The following DUSP22 variants were observed in gnomAD, a reference collection of about 807,000 sequenced individuals.
DUSP22 encodes dual specificity protein phosphatase 22.
A neutral mutation model predicts 24.5 loss-of-function variants in DUSP22; 24 were observed. The ratio of observed to expected loss-of-function variants is 0.98; its 90% confidence interval spans 0.71 to 1.38. The LOEUF (loss-of-function observed/expected upper bound fraction) is 1.38, where lower values mean the gene tolerates loss of function less well. Ranked by LOEUF, DUSP22 falls within the 40% of genes most tolerant of loss-of-function variation. The probability of loss-of-function intolerance (pLI) is 0.00; values close to 1 mark genes in which losing one functional copy is unlikely to be tolerated. For synonymous variants in DUSP22, 160 were observed against 106.4 expected (o/e 1.50, Z -3.10); for missense variants, 330 against 269.2 (o/e 1.23, Z -1.58).
rs1447956782 is a variant in DUSP22, at chr6:350,200, G to A, written c.*1249G>A. On this transcript the variant is annotated 3_prime_UTR_variant, in exon 7 of 7. Transcript: ENST00000419235. ...TTTTGAAACCAAAGGGGAAGGTACCGATATCATTGAGCTATTTAAAGTTGC... is the reference window on the plus strand; with the variant it reads ...TTTTGAAACCAAAGGGGAAGGTACCAATATCATTGAGCTATTTAAAGTTGC... 1.4e-5 allele frequency: 14 copies of A among 986,764 alleles called. No homozygotes were observed. The highest frequency in any genetic ancestry group is 5.2e-4 in the Middle Eastern group (1 of 1,938). 61.1% of individuals were successfully genotyped at this position (986,764 alleles called of 1,614,324 possible).
intron 3 of DUSP22, among the ~76,000 whole-genome samples, chr6:318,573 C>T (rs900043234): frequency 1.3e-5 from 2 of 152,050 alleles, no homozygotes; most frequent in Non-Finnish European, 2.9e-5. Context: ...GCTCTCAGGA[C>T]CCCAGGGCCT....
intron 3 of DUSP22, among the ~76,000 whole-genome samples, chr6:330,484 GA>G (rs560192881): frequency 9.5e-4 from 144 of 152,358 alleles, no homozygotes; most frequent in South Asian, 1.9e-3. Context: ...AATCATGCTT[GA>G]AACAAGCGAG....
At chr6:343,083 C>T (rs541738098) in intron 4 of DUSP22, among the ~76,000 whole-genome samples, 2 of 151,450 alleles carry the variant, frequency 1.3e-5, no homozygotes, top group South Asian at 2.1e-4. Flanking sequence ...TGGGTGTCTG[C>T]TCTGGAGTGT....
chr6:322,429 G>A (rs1033535677), intron 3 of DUSP22, among the ~76,000 whole-genome samples: 1 of 152,296 alleles, frequency 6.6e-6, no homozygotes, highest in African/African-American at 2.4e-5. Context: ...AGGGTACTCT[G>A]GCCCCAGTGT....
chr6:322,445 T>C (rs1013638739), intron 3 of DUSP22, among the ~76,000 whole-genome samples: 2 of 152,240 alleles, frequency 1.3e-5, no homozygotes, highest in African/African-American at 4.8e-5. Context: ...AGTGTAGAGC[T>C]TGAGTTTTGC....
At chr6:313,752 C>T (rs965222748) in intron 3 of DUSP22, among the ~76,000 whole-genome samples, 1 of 152,296 alleles carries the variant, frequency 6.6e-6, no homozygotes, top group Non-Finnish European at 1.5e-5. Flanking sequence ...TTAGTATTGC[C>T]CCTCTTAGCA....
chr6:345,711 AG>A (rs1318442157), intron 4 of DUSP22, 142 bp from the exon 5 acceptor site: 1 of 967,120 alleles, frequency 1.0e-6, no homozygotes, highest in African/African-American at 1.6e-5. Flanking sequence ...GTCACACTGT[AG>A]CCCATAAATA....
At chr6:318,375 T>C (rs1419966499) in intron 3 of DUSP22, among the ~76,000 whole-genome samples, 1 of 152,306 alleles carries the variant, frequency 6.6e-6, no homozygotes, top group African/African-American at 2.4e-5. Context: ...TAGGAAAAGC[T>C]AAGAGGACAT....
At chr6:341,270 A>G (rs889308766) in intron 4 of DUSP22, among the ~76,000 whole-genome samples, 5 of 152,300 alleles carry the variant, frequency 3.3e-5, no homozygotes, top group Non-Finnish European at 7.3e-5. Flanking sequence ...CGTAAAGGTG[A>G]ACTGCCGATG....
chr6:314,138 G>C (rs567307587), intron 3 of DUSP22, among the ~76,000 whole-genome samples: 1 of 152,304 alleles, frequency 6.6e-6, no homozygotes, highest in Non-Finnish European at 1.5e-5. Flanking sequence ...GAAGGTGAGC[G>C]GGGAGACTGT....
chr6:344,009 G>A (rs996039704), intron 4 of DUSP22, among the ~76,000 whole-genome samples: 4 of 152,302 alleles, frequency 2.6e-5, no homozygotes, highest in Admixed American at 6.5e-5. Context: ...AGGTACATGT[G>A]CTATCCATCC....
In DUSP22 at chr6:348,924, C is replaced by A; in HGVS notation, c.591C>A (p.Thr197=). ...WSSFPALAPL[T]YDNYTTET is the part of the protein sequence containing the mutation. ...GTTTTCCGGCACTGGCTCCGCTGAC[C>A]TACGATAATTATACGACGGAGACCT... Residue 197 remains threonine (T), a synonymous_variant, in exon 7 of 7, where the codon ACC becomes ACA. Coordinates refer to ENST00000419235, the MANE Select transcript of DUSP22 (RefSeq NM_001286555.3). 6.2e-7 allele frequency: 1 copy of A among 1,610,884 alleles called. No homozygotes were observed. The highest frequency in any genetic ancestry group is 8.5e-7 in the Non-Finnish European group (1 of 1,178,236).
chr6:348,291 G>T lies in DUSP22; in HGVS notation c.435+17G>T, dbSNP rs747134523. Reference sequence around the variant, plus strand: ...GTCCATCAGGTAAGCAGTTCTTAGGGGACATCAGAGATGCAGGCAGGTGCC... The same window carrying T: ...GTCCATCAGGTAAGCAGTTCTTAGGTGACATCAGAGATGCAGGCAGGTGCC... On this transcript the variant is annotated intron_variant, in intron 6 of 6. Transcript: ENST00000419235. The T allele has an allele frequency of 1.9e-6, 3 of 1,613,906 alleles. No homozygotes were observed. Among genetic ancestry groups the T allele is most frequent in the South Asian group, 2.2e-5 (2 of 91,064 alleles).
In DUSP22 at chr6:348,005, T is replaced by A. The variant is rs1384441147; in HGVS notation, c.264-98T>A. The stretch of plus-strand genomic sequence containing the variant: ...TATAATCCAAGGCAGGAAGACTTTC[T>A]GAACAAGGTCCTTAGAGTCCCCCGC... On this transcript the variant is annotated intron_variant, in intron 5 of 6. Coordinates refer to ENST00000419235, the MANE Select transcript of DUSP22 (RefSeq NM_001286555.3). 17 of 1,535,506 alleles carry A rather than the reference T, an allele frequency of 1.1e-5. No homozygotes were observed. The East Asian group carries it at 3.4e-4, about 31-fold the overall frequency.
At chr6:301,624 G>C (rs776936733) in intron 1 of DUSP22, among the ~76,000 whole-genome samples, 1 of 152,290 alleles carries the variant, frequency 6.6e-6, no homozygotes, top group Non-Finnish European at 1.5e-5. Flanking sequence ...GAGGCTCTGC[G>C]CAAGGCTGAG....
chr6:331,458 A>G (rs1176070752), intron 3 of DUSP22, among the ~76,000 whole-genome samples: 4 of 152,300 alleles, frequency 2.6e-5, no homozygotes. Context: ...AGTTTGTTAT[A>G]CTTTCCATAA....
At chr6:348,331 A>G (rs778158597) in intron 6 of DUSP22, 57 bp downstream of exon 6, 1 of 1,606,054 alleles carries the variant, frequency 6.2e-7, no homozygotes, top group Non-Finnish European at 8.5e-7. Flanking sequence ...AACGGTGCCC[A>G]CAGTCTTTCC....
At chr6:335,529 TAGTG>T (rs1368474717) in intron 4 of DUSP22, among the ~76,000 whole-genome samples, 3 of 152,300 alleles carry the variant, frequency 2.0e-5, no homozygotes, top group African/African-American at 7.2e-5. Flanking sequence ...TAGAAATAGA[TAGTG>T]AGCCACAAAT....
At chr6:324,809 G>A (rs956014748) in intron 3 of DUSP22, among the ~76,000 whole-genome samples, 26 of 152,282 alleles carry the variant, frequency 1.7e-4, no homozygotes, top group Non-Finnish European at 2.9e-4. Context: ...GAAGACAAGC[G>A]GCAGTCTACA....
Sources: allele counts gnomAD v4.1 joint callset (sites outside exome capture counted in the v4.1 genomes callset), GRCh38; gene constraint gnomAD v4.1.1; transcripts MANE v1.5; gene names NCBI Gene and HGNC (gene_info 2026-07-23, HGNC 2026-07-21).